The following KCNIP3 variants were observed in gnomAD, a reference collection of about 807,000 sequenced individuals.
KCNIP3 encodes the protein calsenilin.
KCNIP3 carries 28 observed loss-of-function variants against 35.0 expected under a neutral mutation model. That is an observed-to-expected ratio of 0.80 (90% confidence interval 0.59 to 1.10). The LOEUF is 1.10. KCNIP3 is among the 50% of genes least tolerant of loss of function. KCNIP3 has a pLI of 0.00. For missense variants in KCNIP3, 295 were observed against 338.4 expected, an observed-to-expected ratio of 0.87 and a Z score of 1.01; for synonymous variants, 134 against 133.8, an observed-to-expected ratio of 1.00 and a Z score of -0.01.
At chr2:95,362,632 T>G (rs1034806709) in intron 2 of KCNIP3, among the ~76,000 whole-genome samples, 2 of 152,146 alleles carry the variant, frequency 1.3e-5, no homozygotes, top group African/African-American at 4.8e-5. Flanking sequence ...GGGTTTGCGC[T>G]CCTATGAGAA....
chr2:95,347,142 C>T (rs957358767), intron 2 of KCNIP3: 3 of 1,586,926 alleles, frequency 1.9e-6, no homozygotes, highest in African/African-American at 2.7e-5. Context: ...GGCCACTTGC[C>T]CCTTCGCCGC....
intron 2 of KCNIP3, among the ~76,000 whole-genome samples, chr2:95,317,304 G>A (rs1253171917): frequency 6.6e-6 from 1 of 152,210 alleles, no homozygotes; most frequent in African/African-American, 2.4e-5. Context: ...CTCCTCTGTT[G>A]GTGCTGGGAG....
chr2:95,352,080 T>C (rs1679539818), intron 2 of KCNIP3, among the ~76,000 whole-genome samples: 1 of 152,032 alleles, frequency 6.6e-6, no homozygotes, highest in Non-Finnish European at 1.5e-5. Context: ...CTGGCCAACA[T>C]GGTAAAACCC....
chr2:95,306,365 G>A (rs13396436), intron 1 of KCNIP3, among the ~76,000 whole-genome samples: 1 of 152,232 alleles, frequency 6.6e-6, no homozygotes, highest in Non-Finnish European at 1.5e-5. Context: ...AGTTTTGGGA[G>A]TGAGGATCTC....
rs752955817 is a variant in KCNIP3 at position 95,310,513 on chromosome 2, G to A, written c.174G>A (p.Gln58=). The A allele has an allele frequency of 6.2e-7, 1 of 1,613,654 alleles. No homozygotes were observed. The highest frequency in any genetic ancestry group is 1.7e-5 in the Admixed American group (1 of 60,006). ...VKWILSSTAP[Q]GSDSSDSELE... ...GGATCCTGTCCAGCACAGCCCCACAGGGCTCAGGTAGGGGCCAGGGTGGGC... is the reference window on the plus strand; with the variant it reads ...GGATCCTGTCCAGCACAGCCCCACAAGGCTCAGGTAGGGGCCAGGGTGGGC... Residue 58 remains glutamine, a synonymous_variant, in exon 2 of 9, where the codon CAG becomes CAA. Coordinates refer to ENST00000295225, the MANE Select transcript of KCNIP3 (RefSeq NM_013434.5).
chr2:95,320,072 G>T lies in KCNIP3; in HGVS notation c.181+9552G>T, dbSNP rs147076093. Reference sequence around the variant, plus strand: ...ATGCCGGTTCTGGGATTCTCAGCCAGCCAGGGAGGTGCTCTCTGGGAGCAG... The same window carrying T: ...ATGCCGGTTCTGGGATTCTCAGCCATCCAGGGAGGTGCTCTCTGGGAGCAG... On this transcript the variant is annotated intron_variant, in intron 2 of 8. Coordinates refer to ENST00000295225, the MANE Select transcript of KCNIP3 (RefSeq NM_013434.5). Among the ~76,000 whole-genome samples the T allele has an allele frequency of 1.8e-3, 278 of 152,302 alleles. 1 individual carries two copies. The highest frequency in any genetic ancestry group is 6.5e-3 in the African/African-American group (271 of 41,588).
chr2:95,360,247 A>G (rs1679759947), intron 2 of KCNIP3, among the ~76,000 whole-genome samples: 2 of 151,656 alleles, frequency 1.3e-5, no homozygotes, highest in Non-Finnish European at 2.9e-5. Flanking sequence ...CTGGGTGTGG[A>G]CACAATTCAG....
intron 2 of KCNIP3, among the ~76,000 whole-genome samples, chr2:95,367,037 C>T (rs928478157): frequency 3.9e-5 from 6 of 152,076 alleles, no homozygotes; most frequent in South Asian, 4.2e-4. Flanking sequence ...CTGAGGTGGC[C>T]GGATCACTCA....
Position 95,310,505 on chromosome 2 carries a change from G to A in KCNIP3, c.166G>A (p.Ala56Thr). The A allele has an allele frequency of 6.2e-7, 1 of 1,612,162 alleles. No homozygotes were observed. Among genetic ancestry groups the A allele is most frequent in the African/African-American group, 1.3e-5 (1 of 74,504 alleles). ...CLVKWILSST[A>T]PQGSDSSDSE... ...GGTCAAGTGGATCCTGTCCAGCACA[G>A]CCCCACAGGGCTCAGGTAGGGGCCA... The change falls in exon 2 of 9, where the codon GCC becomes ACC. Residue 56 changes from alanine to threonine, a missense_variant. Coordinates refer to ENST00000295225, the MANE Select transcript of KCNIP3 (RefSeq NM_013434.5).
intron 3 of KCNIP3, 145 bp from the exon 4 acceptor site, chr2:95,374,703 C>A: frequency 1.0e-6 from 1 of 953,068 alleles, no homozygotes; most frequent in South Asian, 1.5e-5. Flanking sequence ...CCCAGGCTTT[C>A]CACAACCCAG....
At chr2:95,328,408 C>T (rs1396085068) in intron 2 of KCNIP3, among the ~76,000 whole-genome samples, 2 of 152,270 alleles carry the variant, frequency 1.3e-5, no homozygotes, top group African/African-American at 4.8e-5. Flanking sequence ...GTGAGGCCCA[C>T]TCAGAGAGGC....
Position 95,378,972 on chromosome 2 carries a change from G to A in KCNIP3, c.448-2624G>A, listed in dbSNP as rs1319233156. On this transcript the variant is annotated intron_variant, in intron 5 of 8. Transcript: ENST00000295225. The surrounding 1 kb of genome is among the most constrained non-coding windows in gnomAD (Gnocchi z 4.0). ...AGTCCAACACATTCGCAGGGTGCAC[G>A]TTGGAAAACCAGCAGGTGACCACCA... is the stretch of plus-strand genomic sequence containing the variant. Among the ~76,000 whole-genome samples the A allele has an allele frequency of 2.6e-5, 4 of 151,870 alleles. No individual in the cohort carries two copies. The highest frequency in any genetic ancestry group is 1.3e-4 in the Admixed American group (2 of 15,258).
chr2:95,304,593 A>G (rs149139364), intron 1 of KCNIP3, among the ~76,000 whole-genome samples: 2 of 152,328 alleles, frequency 1.3e-5, no homozygotes, highest in Admixed American at 1.3e-4. Context: ...TAACAGGAGA[A>G]CGCATACCCC....
At chr2:95,366,016 C>A (rs1326465463) in intron 2 of KCNIP3, among the ~76,000 whole-genome samples, 2 of 152,104 alleles carry the variant, frequency 1.3e-5, no homozygotes, top group Non-Finnish European at 2.9e-5. Flanking sequence ...GATGGGGTCT[C>A]TGTCGCCCAG....
At chr2:95,362,311 G>T (rs554413027) in intron 2 of KCNIP3, among the ~76,000 whole-genome samples, 178 of 152,174 alleles carry the variant, frequency 1.2e-3, no homozygotes, top group Non-Finnish European at 1.8e-3. Context: ...TCTCCATGTT[G>T]GTCAGGCCGG....
chr2:95,373,571 C>T (rs1287760123), intron 2 of KCNIP3, among the ~76,000 whole-genome samples: 7 of 151,994 alleles, frequency 4.6e-5, no homozygotes, highest in East Asian at 3.9e-4. Flanking sequence ...TACAGGCGCC[C>T]GCCACCATGC....
chr2:95,324,576 T>TA (rs1259404024), intron 2 of KCNIP3, among the ~76,000 whole-genome samples: 1 of 147,080 alleles, frequency 6.8e-6, no homozygotes, highest in Non-Finnish European at 1.5e-5. Context: ...AGTAGTTTTT[T>TA]AAAAAACATT....
intron 2 of KCNIP3, among the ~76,000 whole-genome samples, chr2:95,365,190 C>G (rs1219178711): frequency 7.8e-6 from 1 of 127,718 alleles, no homozygotes; most frequent in Non-Finnish European, 1.6e-5. Flanking sequence ...GAGACAGAGT[C>G]TCTCTCTGTT....
intron 2 of KCNIP3, among the ~76,000 whole-genome samples, chr2:95,330,046 G>A (rs528691206): frequency 4.6e-5 from 7 of 152,322 alleles, no homozygotes; most frequent in African/African-American, 1.4e-4. Flanking sequence ...GACTCAGGAC[G>A]TCCCTCACCT....
Sources: allele counts gnomAD v4.1 joint callset (sites outside exome capture counted in the v4.1 genomes callset), GRCh38; gene constraint gnomAD v4.1.1; non-coding constraint Gnocchi (gnomAD v3.1); transcripts MANE v1.5; gene names NCBI Gene and HGNC (gene_info 2026-07-23, HGNC 2026-07-21).